The following ITPRID1 variants were observed in gnomAD, a reference collection of about 807,000 sequenced individuals.
ITPRID1 encodes the protein protein ITPRID1.
ITPRID1 carries 96 observed loss-of-function variants against 95.4 expected under a neutral mutation model. That is an observed-to-expected ratio of 1.01 (90% CI 0.85 to 1.19). ITPRID1 has a LOEUF of 1.19. Among genes scored for constraint, ITPRID1 ranks in the 50% most tolerant of loss-of-function variants. The probability of loss-of-function intolerance (pLI) is 0.00; values close to 1 mark genes in which losing one functional copy is unlikely to be tolerated. For synonymous variants in ITPRID1, 510 were observed against 453.6 expected, an observed-to-expected ratio of 1.12 and a Z score of -1.58; for missense variants, 1,339 against 1,252.9, an observed-to-expected ratio of 1.07 and a Z score of -1.04.
chr7:31,619,958 C>CT (rs1490351836), intron 10 of ITPRID1, among the ~76,000 whole-genome samples: 24 of 152,310 alleles, frequency 1.6e-4, no homozygotes, highest in African/African-American at 5.8e-4. Flanking sequence ...AGACTATATC[C>CT]CGCACCTGGC....
intron 1 of ITPRID1, among the ~76,000 whole-genome samples, chr7:31,538,964 T>A (rs554964295): frequency 6.6e-6 from 1 of 152,312 alleles, no homozygotes; most frequent in East Asian, 1.9e-4. Flanking sequence ...GCAGTTAAGT[T>A]GATAATTCTG....
chr7:31,543,365 C>A (rs1461941927), intron 1 of ITPRID1, among the ~76,000 whole-genome samples: 1 of 151,958 alleles, frequency 6.6e-6, no homozygotes, highest in Non-Finnish European at 1.5e-5. Flanking sequence ...GGGAAAAAAC[C>A]TTTTCCAGGA....
intron 1 of ITPRID1, chr7:31,517,656 G>C (rs12701103): frequency 0.45 from 68,828 of 152,554 alleles, 15,735 homozygotes; most frequent in Middle Eastern, 0.62. Context: ...GGCCAGCGAG[G>C]TCCGTGCGCA....
intron 1 of ITPRID1, among the ~76,000 whole-genome samples, chr7:31,534,247 A>G (rs555201017): frequency 6.6e-6 from 1 of 152,308 alleles, no homozygotes; most frequent in African/African-American, 2.4e-5. Context: ...TGAATGTCCC[A>G]TGTGCATTTG....
intron 10 of ITPRID1, among the ~76,000 whole-genome samples, chr7:31,640,182 TC>T (rs1292998133): frequency 1.3e-5 from 2 of 152,318 alleles, no homozygotes; most frequent in African/African-American, 4.8e-5. Context: ...GCAAGACACT[TC>T]TGAGTATTCT....
intron 10 of ITPRID1, among the ~76,000 whole-genome samples, chr7:31,623,381 C>A (rs1236464599): frequency 1.3e-5 from 2 of 151,728 alleles, no homozygotes; most frequent in Admixed American, 6.6e-5. Context: ...CCGAATCCAG[C>A]AGCACATCAA....
At chr7:31,543,456 G>C (rs944191431) in intron 1 of ITPRID1, among the ~76,000 whole-genome samples, 1 of 151,992 alleles carries the variant, frequency 6.6e-6, no homozygotes, top group African/African-American at 2.4e-5. Flanking sequence ...ATAAATCAGT[G>C]TTCTGGATTT....
At chr7:31,528,094 T>A (rs1168859383) in intron 1 of ITPRID1, among the ~76,000 whole-genome samples, 2 of 152,196 alleles carry the variant, frequency 1.3e-5, no homozygotes, top group South Asian at 2.1e-4. Context: ...GGAAATTGAT[T>A]TCCCCAAGGT....
At chr7:31,624,222 A>G (rs1346500473) in intron 10 of ITPRID1, among the ~76,000 whole-genome samples, 21 of 147,154 alleles carry the variant, frequency 1.4e-4, no homozygotes, top group African/African-American at 2.2e-4. Context: ...ATTCAATGCC[A>G]TCCCCATCAA....
intron 12 of ITPRID1, among the ~76,000 whole-genome samples, chr7:31,647,785 A>C (rs1790620727): frequency 6.6e-6 from 1 of 152,018 alleles, no homozygotes; most frequent in African/African-American, 2.4e-5. Context: ...TAGGTAAAGG[A>C]CTTGAAGACT....
intron 10 of ITPRID1, among the ~76,000 whole-genome samples, chr7:31,604,245 A>G (rs1222954153): frequency 6.6e-6 from 1 of 152,194 alleles, no homozygotes; most frequent in African/African-American, 2.4e-5. Flanking sequence ...TAAAACCACC[A>G]TGGGAGCAAG....
At chr7:31,628,613 A>T (rs780317571) in intron 10 of ITPRID1, among the ~76,000 whole-genome samples, 1 of 151,710 alleles carries the variant, frequency 6.6e-6, no homozygotes. Flanking sequence ...GCCCGCCACC[A>T]CGCCCCGCTA....
At chr7:31,573,628 C>G (rs891763197) in intron 7 of ITPRID1, among the ~76,000 whole-genome samples, 2 of 151,918 alleles carry the variant, frequency 1.3e-5, no homozygotes, top group East Asian at 3.9e-4. Flanking sequence ...AACAAAAGAG[C>G]TGAGCAAACC....
At chr7:31,559,982 A>G (rs1210762151) in intron 5 of ITPRID1, among the ~76,000 whole-genome samples, 1 of 152,232 alleles carries the variant, frequency 6.6e-6, no homozygotes, top group Non-Finnish European at 1.5e-5. Context: ...AGTACTGAGA[A>G]TGCTGAAGAA....
Position 31,569,784 on chromosome 7 carries a change from C to A in ITPRID1, c.283C>A (p.Gln95Lys). 6.3e-7 allele frequency: 1 copy of A among 1,587,474 alleles called. No homozygotes were observed. Among genetic ancestry groups the A allele is most frequent in the South Asian group, 1.2e-5 (1 of 86,566 alleles). The change falls in exon 6 of 15, where the codon CAA (glutamine) becomes AAA (lysine). Residue 95 changes from glutamine to lysine, a missense_variant. Coordinates refer to ENST00000615280, the MANE Select transcript of ITPRID1 (RefSeq NM_001257967.3). ...TTCTTTGTATGAACAAGGGATGGTT[C>A]AAATGACTGTGAAAGACTACATGAG... ...TVSLYEQGMV[Q>K]MTVKDYMRSL...
chr7:31,514,294 G>C (rs1057330924), intron 1 of ITPRID1, 174 bp downstream of exon 1: 1 of 152,132 alleles, frequency 6.6e-6, no homozygotes, highest in Non-Finnish European at 1.5e-5. Context: ...GACACAAAAC[G>C]TTTACCTTCT....
downstream of ITPRID1, chr7:31,658,550 A>C: frequency 2.2e-6 from 1 of 448,456 alleles, no homozygotes; most frequent in Non-Finnish European, 3.6e-6. Context: ...TGCATACGTA[A>C]TTTCAAATTG....
chr7:31,642,851 A>C lies in ITPRID1; in HGVS notation c.1481A>C (p.Glu494Ala), dbSNP rs1790147963. ...TCAAGCCAAGAAGCGAATGCCTTGG[A>C]ACAAAGGGCCTCAGTATCTGTGATG... ...SFSSQEANAL[E>A]QRASVSVMEE... The change falls in exon 12 of 15, where the codon GAA (glutamate) becomes GCA (alanine). Residue 494 changes from glutamate (E) to alanine (A), a missense_variant. By Grantham distance (107) the Glu-to-Ala change is moderately radical. Coordinates refer to ENST00000615280, the MANE Select transcript of ITPRID1 (RefSeq NM_001257967.3). 6.2e-7 allele frequency: 1 copy of C among 1,613,908 alleles called. No homozygotes were observed. Among genetic ancestry groups the C allele is most frequent in the South Asian group, 1.1e-5 (1 of 91,086 alleles).
intron 10 of ITPRID1, among the ~76,000 whole-genome samples, chr7:31,598,003 A>G (rs1786160210): frequency 6.6e-6 from 1 of 152,230 alleles, no homozygotes; most frequent in Non-Finnish European, 1.5e-5. Context: ...ACATTTCAAA[A>G]TCAGTGGAGA....
Sources: allele counts gnomAD v4.1 joint callset (sites outside exome capture counted in the v4.1 genomes callset), GRCh38; gene constraint gnomAD v4.1.1; transcripts MANE v1.5; gene names NCBI Gene and HGNC (gene_info 2026-07-23, HGNC 2026-07-21).